SZT2: variants seen among roughly 807,000 people sequenced by gnomAD.
The protein encoded by SZT2 is SZT2 subunit of KICSTOR complex.
A neutral mutation model predicts 404.2 loss-of-function variants in SZT2; 216 were observed. The ratio of observed to expected loss-of-function variants is 0.53; its 90% CI spans 0.48 to 0.60. SZT2 has a LOEUF of 0.60. SZT2 is among the 20% of genes least tolerant of loss of function. The pLI is 0.00. For synonymous variants in SZT2, 1,693 were observed against 1,749.9 expected, an observed-to-expected ratio of 0.97 and a Z score of 0.81; for missense variants, 3,857 against 4,459.2, an observed-to-expected ratio of 0.86 and a Z score of 3.85.
rs1472555870 is a variant in SZT2 at position 43,403,165 on chromosome 1, C to G, written c.28-12C>G. 1 of 1,613,566 alleles carries G rather than the reference C, an allele frequency of 6.2e-7. No homozygotes were observed. Among genetic ancestry groups the G allele is most frequent in the Non-Finnish European group, 8.5e-7 (1 of 1,179,786 alleles). ...ATTTTTTAAAGATGTATTAATGTCT[C>G]TTTGTTCCCAGGTGGAAGAAGCTGG... On this transcript the variant is annotated splice_polypyrimidine_tract_variant and intron_variant, in intron 1 of 71. Coordinates refer to ENST00000634258, the MANE Select transcript of SZT2 (RefSeq NM_001365999.1).
chr1:43,412,837 T>A (rs927739027), intron 4 of SZT2: 5 of 152,198 alleles, frequency 3.3e-5, no homozygotes, highest in Non-Finnish European at 7.3e-5. Context: ...GGATTTTTTT[T>A]ATCTTAAAAA....
In SZT2 at chr1:43,427,627, G is replaced by A; in HGVS notation, c.3696G>A (p.Gly1232=). Residue 1232 remains glycine, a synonymous_variant, in exon 26 of 72, where the codon GGG becomes GGA. Coordinates refer to ENST00000634258, the MANE Select transcript of SZT2 (RefSeq NM_001365999.1). The part of the protein sequence containing the change: ...RQASQTESAD[G]PRTRCPVYIY... ...CTTCCCAGACAGAGAGTGCGGATGG[G>A]CCCCGGACCCGGTGTCCTGTCTACA... 1 of 1,614,206 alleles carries A rather than the reference G, an allele frequency of 6.2e-7. No homozygotes were observed. The highest frequency in any genetic ancestry group is 8.5e-7 in the Non-Finnish European group (1 of 1,180,044).
At position 43,435,299 on chromosome 1, in the gene SZT2, TC is replaced by T. The variant is rs1183679151; in HGVS notation, c.6007del (p.Arg2003ValfsTer43). 6.2e-7 allele frequency: 1 copy of T among 1,613,996 alleles called. No homozygotes were observed. The highest frequency in any genetic ancestry group is 1.7e-5 in the Admixed American group (1 of 60,006). ...GTGGCGCAGTGAGACTCCCTTCCAC[TC>T]CCGTCAGCGGGCACCACTGCCCAGT... ...DLWRSETPFHSRQRAPLPSDD... is the reference protein window; with the variant it reads ...DLWRSETPFHXRQRAPLPSDD... On this transcript the variant is annotated frameshift_variant, in exon 42 of 72. Coordinates refer to ENST00000634258, the MANE Select transcript of SZT2 (RefSeq NM_001365999.1). LOFTEE classifies it high-confidence loss of function.
Position 43,420,003 on chromosome 1 carries a change from G to C in SZT2, c.1090+59G>C. 4 of 1,581,860 alleles carry C rather than the reference G, an allele frequency of 2.5e-6. No individual in the cohort carries two copies. Among genetic ancestry groups the C allele is most frequent in the Admixed American group, 1.7e-5 (1 of 59,768 alleles). On this transcript the variant is annotated intron_variant, in intron 8 of 71. Coordinates refer to ENST00000634258, the MANE Select transcript of SZT2 (RefSeq NM_001365999.1). The surrounding 1 kb of genome is among the most constrained non-coding windows in gnomAD (Gnocchi z 5.1). The stretch of plus-strand genomic sequence containing the variant: ...GGGAATATAGAATGGGCCCAGAGAT[G>C]ATGGGGCCCTGGAGGACTGAAAGTG...
intron 1 of SZT2, chr1:43,394,204 C>CTAT: frequency 4.3e-6 from 1 of 230,920 alleles, no homozygotes; most frequent in Non-Finnish European, 7.0e-6. Flanking sequence ...AGCCCATCAA[C>CTAT]TCTTTTTTTT....
At chr1:43,436,000 T>C (rs1171030035) in intron 42 of SZT2, 2 of 152,220 alleles carry the variant, frequency 1.3e-5, no homozygotes, top group African/African-American at 4.8e-5. Flanking sequence ...TGATTGGCTG[T>C]TCCTCCAGAC....
chr1:43,406,651 G>C (rs538246762), intron 4 of SZT2: 1 of 152,446 alleles, frequency 6.6e-6, no homozygotes, highest in East Asian at 1.9e-4. Flanking sequence ...CCATGAATGT[G>C]ACACTAAGGA....
chr1:43,397,967 G>A (rs547179673), intron 1 of SZT2, among the ~76,000 whole-genome samples: 21 of 152,308 alleles, frequency 1.4e-4, no homozygotes, highest in Admixed American at 2.6e-4. Flanking sequence ...GATTTGCCGT[G>A]ATTTTAGTCC....
Position 43,432,512 on chromosome 1 carries a change from C to A in SZT2, c.5443-5C>A. 6.2e-7 allele frequency: 1 copy of A among 1,603,114 alleles called. No homozygotes were observed. The highest frequency in any genetic ancestry group is 8.5e-7 in the Non-Finnish European group (1 of 1,175,020). ...ATACCTCAGTCCTGACTTCCTATTC[C>A]TCAGACCCTGACAGCCAGCCCCCAA... On this transcript the variant is annotated splice_region_variant and splice_polypyrimidine_tract_variant and intron_variant, in intron 37 of 71. Transcript: ENST00000634258.
At position 43,389,925 on chromosome 1, in the gene SZT2, T is replaced by C. The variant is rs923614797; in HGVS notation, c.-44T>C. The C allele has an allele frequency of 1.3e-6, 2 of 1,510,746 alleles. No homozygotes were observed. The highest frequency in any genetic ancestry group is 1.2e-5 in the South Asian group (1 of 80,302). The allele number at this position is 1,510,746 out of a possible 1,614,324, so 93.6% of individuals were successfully genotyped here. A position where few individuals can be genotyped will look rare whatever the true frequency, so the allele number is the denominator to read the frequency against. ...AGGTAGCGAGGTCAGGGGTCAAGAGTGGAACACCCTCACTGGCCCGGGCCG... is the reference window on the plus strand; with the variant it reads ...AGGTAGCGAGGTCAGGGGTCAAGAGCGGAACACCCTCACTGGCCCGGGCCG... On this transcript the variant is annotated 5_prime_UTR_variant, in exon 1 of 72. Transcript: ENST00000634258.
Position 43,439,991 on chromosome 1 carries a change from G to A in SZT2, c.7153G>A (p.Ala2385Thr), listed in dbSNP as rs1378018283. 1 of 1,614,210 alleles carries A rather than the reference G, an allele frequency of 6.2e-7. No homozygotes were observed. Among genetic ancestry groups the A allele is most frequent in the Admixed American group, 1.7e-5 (1 of 60,026 alleles). Residue 2385 changes from alanine to threonine, a missense_variant, in exon 51 of 72, where the codon GCC becomes ACC. Transcript: ENST00000634258. The surrounding 1 kb of genome is among the most constrained non-coding windows in gnomAD (Gnocchi z 4.2). Reference protein sequence around the residue: ...RGAARQALADAIIELQLLPAS... With the variant: ...RGAARQALADTIIELQLLPAS... ...AGCAGCTCGCCAGGCCCTGGCCGAT[G>A]CCATCATCGAGCTTCAGCTGCTGCC...
chr1:43,390,019 C>T, intron 1 of SZT2, 24 bp downstream of exon 1: 1 of 1,381,872 alleles, frequency 7.2e-7, no homozygotes, highest in African/African-American at 1.5e-5. Context: ...GGGCGCAGCA[C>T]TGGGCCCCGA....
Position 43,453,505 on chromosome 1 carries a change from G to A in SZT2, c.*3025G>A, listed in dbSNP as rs1392475851. 4.5e-6 allele frequency: 7 copies of A among 1,547,098 alleles called. No homozygotes were observed. The highest frequency in any genetic ancestry group is 6.1e-6 in the Non-Finnish European group (7 of 1,144,478). The stretch of plus-strand genomic sequence containing the variant: ...CCCCCTTCTCTTGGTCTCCTGCAGA[G>A]AGAACGGGCCTCAGCCCCCGGCTCG... On this transcript the variant is annotated 3_prime_UTR_variant, in exon 72 of 72. Coordinates refer to ENST00000634258, the MANE Select transcript of SZT2 (RefSeq NM_001365999.1).
rs1396422694 is a variant in SZT2 at position 43,419,950 on chromosome 1, A to C, written c.1090+6A>C. On this transcript the variant is annotated splice_donor_region_variant and intron_variant, in intron 8 of 71. Transcript: ENST00000634258. ...GAACCCTGAATATTACTGCGGTGAGAGGCACACTGAGGTGGGTGTGGGAAG... is the reference window on the plus strand; with the variant it reads ...GAACCCTGAATATTACTGCGGTGAGCGGCACACTGAGGTGGGTGTGGGAAG... The C allele has an allele frequency of 6.3e-7, 1 of 1,598,088 alleles. No individual in the cohort carries two copies. The highest frequency in any genetic ancestry group is 2.2e-5 in the East Asian group (1 of 44,882).
rs1292173976 is a variant in SZT2 at position 43,453,564 on chromosome 1, G to A, written c.*3084G>A. On this transcript the variant is annotated 3_prime_UTR_variant, in exon 72 of 72. Coordinates refer to ENST00000634258, the MANE Select transcript of SZT2 (RefSeq NM_001365999.1). ...CCTGCCCGCGCCCCGGCACCCCCCA[G>A]CCCTCCCAGCCCTCCCGGCCCGCGA... 4.0e-6 allele frequency: 6 copies of A among 1,512,354 alleles called. No homozygotes were observed. Among genetic ancestry groups the A allele is most frequent in the Admixed American group, 4.2e-5 (2 of 47,386 alleles). 93.7% of individuals were successfully genotyped at this position (1,512,354 alleles called of 1,614,324 possible).
At chr1:43,413,831 A>C (rs1417431119) in intron 4 of SZT2, among the ~76,000 whole-genome samples, 1 of 152,140 alleles carries the variant, frequency 6.6e-6, no homozygotes, top group East Asian at 1.9e-4. Flanking sequence ...GTGGAAGGGG[A>C]GATGGTTAAT....
intron 62 of SZT2, among the ~76,000 whole-genome samples, chr1:43,444,122 A>T (rs1030937495): frequency 2.0e-5 from 3 of 152,202 alleles, no homozygotes; most frequent in African/African-American, 7.2e-5. Context: ...TTGGAGATGG[A>T]ATCTCACTGT....
intron 4 of SZT2, among the ~76,000 whole-genome samples, chr1:43,414,433 A>T (rs1045966733): frequency 9.9e-5 from 15 of 151,344 alleles, no homozygotes; most frequent in South Asian, 4.2e-4. Flanking sequence ...TTAAAAAAAA[A>T]TTTTTTTTTA....
In SZT2 at chr1:43,450,919, CCAT is replaced by C. The variant is rs1656318178; in HGVS notation, c.*441_*443del. On this transcript the variant is annotated 3_prime_UTR_variant, in exon 72 of 72. Coordinates refer to ENST00000634258, the MANE Select transcript of SZT2 (RefSeq NM_001365999.1). The surrounding 1 kb of genome is among the most constrained non-coding windows in gnomAD (Gnocchi z 4.3). Reference sequence around the variant, plus strand: ...ACTTGGACATCACTGCTGGACATTCCCATCGAGATGACACCTGGGTTCCAATCC... The same window carrying C: ...ACTTGGACATCACTGCTGGACATTCCCGAGATGACACCTGGGTTCCAATCC... 1 of 749,320 alleles carries C rather than the reference CCAT, an allele frequency of 1.3e-6. No homozygotes were observed. The highest frequency in any genetic ancestry group is 1.7e-5 in the African/African-American group (1 of 58,842). 46.4% of individuals were successfully genotyped at this position (749,320 alleles called of 1,614,324 possible).
Sources: allele counts gnomAD v4.1 joint callset (sites outside exome capture counted in the v4.1 genomes callset), GRCh38; gene constraint gnomAD v4.1.1; non-coding constraint Gnocchi (gnomAD v3.1); transcripts MANE v1.5; gene names NCBI Gene and HGNC (gene_info 2026-07-23, HGNC 2026-07-21).